The following CFAP47 variants were observed in gnomAD, a reference collection of about 807,000 sequenced individuals.
CFAP47 encodes the protein cilia and flagella associated protein 47, also known as cilia- and flagella-associated protein 47.
A neutral mutation model predicts 148.1 loss-of-function variants in CFAP47; 29 were observed. That is an observed-to-expected ratio of 0.20 (90% confidence interval 0.15 to 0.27). CFAP47 has a LOEUF of 0.27. Ranked by LOEUF, CFAP47 falls within the 10% of genes least tolerant of loss-of-function variation. The pLI, the probability that CFAP47 is intolerant of heterozygous loss-of-function variation, is 1.00. For synonymous variants in CFAP47, 664 were observed against 577.3 expected (o/e 1.15, Z -2.15); for missense variants, 1,872 against 1,697.5 (o/e 1.10, Z -1.81).
At chrX:35,946,501 A>G (rs1936087358) in intron 3 of CFAP47, among the ~76,000 whole-genome samples, 1 of 111,550 alleles carries the variant, frequency 9.0e-6, no homozygotes, top group Admixed American at 9.5e-5. Context: ...AATAATACCT[A>G]TTTATTTGAA....
chrX:35,999,717 C>T (rs1936892371), intron 19 of CFAP47, among the ~76,000 whole-genome samples: 1 of 111,484 alleles, frequency 9.0e-6, no homozygotes, highest in African/African-American at 3.3e-5. Flanking sequence ...GAAGGGGCAC[C>T]AAAAGGGTGA....
At chrX:36,173,993 G>T (rs765546393) in intron 39 of CFAP47, among the ~76,000 whole-genome samples, 2 of 110,250 alleles carry the variant, frequency 1.8e-5, no homozygotes, top group Admixed American at 1.9e-4. Flanking sequence ...CCTGTATTGG[G>T]TGCATATATA....
Position 36,034,529 on chromosome X carries a change from CTATT to C in CFAP47, c.3652-1156_3652-1153del, listed in dbSNP as rs758134177. Among the ~76,000 whole-genome samples, 1,100 of 111,199 alleles carry C rather than the reference CTATT, an allele frequency of 9.9e-3. 5 individuals carry two copies. Among genetic ancestry groups the C allele is most frequent in the Non-Finnish European group, 0.017 (901 of 52,840 alleles). On this transcript the variant is annotated intron_variant, in intron 23 of 63. Coordinates refer to ENST00000378653, the MANE Select transcript of CFAP47 (RefSeq NM_001304548.2). The stretch of plus-strand genomic sequence containing the variant: ...CTTTAAAAAAGATTATTTCCTCTCC[CTATT>C]TATTTATTTTATTACATAATATGTT...
At chrX:36,224,777 G>A (rs782091974) in intron 45 of CFAP47, among the ~76,000 whole-genome samples, 33 of 111,651 alleles carry the variant, frequency 3.0e-4, no homozygotes, top group African/African-American at 1.1e-3. Context: ...TCCTAAATGA[G>A]CTCAGGCCAC....
At chrX:36,033,008 G>A (rs746520841) in intron 23 of CFAP47, among the ~76,000 whole-genome samples, 2 of 111,673 alleles carry the variant, frequency 1.8e-5, no homozygotes, top group African/African-American at 6.5e-5. Flanking sequence ...ACTAGAAAAG[G>A]CAATGAAATG....
At chrX:36,264,697 A>G (rs1940869811) in intron 49 of CFAP47, among the ~76,000 whole-genome samples, 1 of 111,837 alleles carries the variant, frequency 8.9e-6, no homozygotes, top group Non-Finnish European at 1.9e-5. Flanking sequence ...TCAGTGACAC[A>G]GATATAAAGC....
chrX:36,136,132 C>T (rs954570183), intron 33 of CFAP47, among the ~76,000 whole-genome samples: 3 of 110,235 alleles, frequency 2.7e-5, no homozygotes, highest in African/African-American at 9.9e-5. Flanking sequence ...TAAGGTGGGG[C>T]GGGTGTCATA....
intron 37 of CFAP47, among the ~76,000 whole-genome samples, chrX:36,152,606 GC>G (rs1304784398): frequency 9.0e-6 from 1 of 111,424 alleles, no homozygotes; most frequent in Non-Finnish European, 1.9e-5. Context: ...ATAATGATAA[GC>G]CCTGCCCTTC....
In CFAP47 at chrX:35,944,562, T is replaced by TA. The variant is rs1172678953; in HGVS notation, c.517+3170dup. Among the ~76,000 whole-genome samples, 3 of 111,441 alleles carry TA rather than the reference T, an allele frequency of 2.7e-5. No individual in the cohort carries two copies. In the Admixed American group the frequency reaches 2.9e-4, roughly 11 times the overall value. ...AGTGTGCTTAGAACCAAGGGAATTT[T>TA]AAAAAATCATAAGAAATAGCAATAG... On this transcript the variant is annotated intron_variant, in intron 3 of 63. Transcript: ENST00000378653.
intron 39 of CFAP47, among the ~76,000 whole-genome samples, chrX:36,178,162 T>C (rs1939708412): frequency 9.0e-6 from 1 of 110,507 alleles, no homozygotes; most frequent in Non-Finnish European, 1.9e-5. Context: ...ATGGGAACAA[T>C]ACACACTGGC....
At chrX:36,085,834 C>T (rs1938077671) in intron 30 of CFAP47, among the ~76,000 whole-genome samples, 1 of 110,308 alleles carries the variant, frequency 9.1e-6, no homozygotes. Flanking sequence ...ATCAAAATCA[C>T]TGAGAGGGTC....
chrX:36,082,339 CT>C (rs1937998558), intron 29 of CFAP47, among the ~76,000 whole-genome samples: 1 of 111,091 alleles, frequency 9.0e-6, no homozygotes, highest in Admixed American at 9.7e-5. Flanking sequence ...GGTATTATTT[CT>C]TTTTTGCTCT....
intron 52 of CFAP47, among the ~76,000 whole-genome samples, chrX:36,299,726 T>C (rs1941279777): frequency 8.9e-6 from 1 of 111,748 alleles, no homozygotes; most frequent in Admixed American, 9.6e-5. Flanking sequence ...AGTTCAATTT[T>C]TAAAAATTCT....
intron 48 of CFAP47, among the ~76,000 whole-genome samples, chrX:36,242,963 C>T (rs1183889713): frequency 9.0e-6 from 1 of 111,483 alleles, no homozygotes; most frequent in Non-Finnish European, 1.9e-5. Flanking sequence ...GACACCTGAT[C>T]GTCTACCAAT....
At chrX:36,171,161 A>G (rs1939571589) in intron 39 of CFAP47, among the ~76,000 whole-genome samples, 1 of 106,337 alleles carries the variant, frequency 9.4e-6, no homozygotes, top group African/African-American at 3.5e-5. Flanking sequence ...TTTTTCTTGT[A>G]AATTTGTTTG....
At chrX:36,183,944 G>A (rs1453665226) in intron 40 of CFAP47, among the ~76,000 whole-genome samples, 1 of 110,817 alleles carries the variant, frequency 9.0e-6, no homozygotes, top group Non-Finnish European at 1.9e-5. Context: ...GCAATATTGA[G>A]TTATTTAATC....
At chrX:36,228,881 A>G in intron 46 of CFAP47, 57 bp downstream of exon 46, 1 of 488,139 alleles carries the variant, frequency 2.0e-6, no homozygotes, top group Non-Finnish European at 3.7e-6. Flanking sequence ...GTGTCAATTA[A>G]AGTCCTCCAG....
chrX:36,144,361 C>T (rs777676486), intron 35 of CFAP47, among the ~76,000 whole-genome samples: 5 of 111,950 alleles, frequency 4.5e-5, no homozygotes, highest in East Asian at 2.8e-4. Flanking sequence ...TGATTCAGAG[C>T]GGTATTATTG....
chrX:36,286,623 A>G (rs1941135796), intron 51 of CFAP47, among the ~76,000 whole-genome samples: 1 of 111,286 alleles, frequency 9.0e-6, no homozygotes, highest in African/African-American at 3.2e-5. Context: ...TCACTCAATG[A>G]AAATGTCTTA....
Sources: gnomAD v4.1 joint callset for allele counts (sites outside exome capture counted in the v4.1 genomes callset) on GRCh38, gnomAD v4.1.1 for gene constraint, MANE v1.5 for transcripts, NCBI Gene and HGNC (gene_info 2026-07-23, HGNC 2026-07-21) for gene names.